Variants in CDCA2 observed in about 807,000 individuals in gnomAD.
CDCA2 encodes the protein cell division cycle-associated protein 2.
Under a neutral mutation model 67.0 loss-of-function variants are expected in CDCA2, and 44 were observed. That is an observed-to-expected ratio of 0.66 (90% CI 0.52 to 0.84). The LOEUF is 0.84. Among genes scored for constraint, CDCA2 ranks in the 40% least tolerant of loss-of-function variants. CDCA2 has a pLI of 0.00. For synonymous variants in CDCA2, 447 were observed against 418.7 expected (o/e 1.07, Z -0.82); for missense variants, 1,253 against 1,203.2 (o/e 1.04, Z -0.61).
At chr8:25,460,591 A>G in intron 3 of CDCA2, 37 bp downstream of exon 3, 1 of 1,576,610 alleles carries the variant, frequency 6.3e-7, no homozygotes, top group Non-Finnish European at 8.6e-7. Flanking sequence ...ATGCTTTTCA[A>G]GTTTAAAAAT....
intron 11 of CDCA2, among the ~76,000 whole-genome samples, chr8:25,486,617 A>G (rs750456939): frequency 6.6e-6 from 1 of 150,924 alleles, no homozygotes; most frequent in Non-Finnish European, 1.5e-5. Context: ...AGCCTGGTCA[A>G]CTTGGTGAAA....
intron 4 of CDCA2, among the ~76,000 whole-genome samples, chr8:25,465,532 C>T (rs1805857965): frequency 6.6e-6 from 1 of 152,062 alleles, no homozygotes; most frequent in Non-Finnish European, 1.5e-5. Context: ...TGGTTGGAAC[C>T]CTGTTAACGG....
In CDCA2 at chr8:25,507,579, T is replaced by C. The variant is rs1804735381; in HGVS notation, c.2913T>C (p.Pro971=). Residue 971 remains proline (P), a synonymous_variant, in exon 15 of 15, where the codon CCT becomes CCC. Transcript: ENST00000330560. ...CTGCTGCTGGTTCTTCCGATGAACC[T>C]GGTAAGAGGAGGAAGAGCTTTTGTA... ...QGPAAGSSDE[P]GKRRKSFCIS... 1 of 1,614,202 alleles carries C rather than the reference T, an allele frequency of 6.2e-7. No individual in the cohort carries two copies. The highest frequency in any genetic ancestry group is 8.5e-7 in the Non-Finnish European group (1 of 1,180,030).
intron 7 of CDCA2, among the ~76,000 whole-genome samples, chr8:25,479,064 C>T (rs1803466135): frequency 6.6e-6 from 1 of 152,112 alleles, no homozygotes; most frequent in Admixed American, 6.5e-5. Flanking sequence ...ATTGACATTG[C>T]TACAATCCAC....
At chr8:25,484,447 T>G (rs1803688311) in intron 10 of CDCA2, among the ~76,000 whole-genome samples, 1 of 152,136 alleles carries the variant, frequency 6.6e-6, no homozygotes, top group Non-Finnish European at 1.5e-5. Flanking sequence ...ACAACTTAGG[T>G]AAACTGGATA....
chr8:25,495,704 G>A (rs1263916946), intron 13 of CDCA2, among the ~76,000 whole-genome samples: 1 of 152,150 alleles, frequency 6.6e-6, no homozygotes, highest in Non-Finnish European at 1.5e-5. Flanking sequence ...ACAGGCGTGA[G>A]CCACTGCGCC....
At chr8:25,462,567 A>G (rs1373800874) in intron 4 of CDCA2, among the ~76,000 whole-genome samples, 2 of 151,968 alleles carry the variant, frequency 1.3e-5, no homozygotes, top group South Asian at 2.1e-4. Flanking sequence ...CAGAGGTTGC[A>G]TTGAGTCAAG....
At chr8:25,491,914 C>G (rs1804020153) in intron 13 of CDCA2, among the ~76,000 whole-genome samples, 1 of 152,174 alleles carries the variant, frequency 6.6e-6, no homozygotes, top group Non-Finnish European at 1.5e-5. Context: ...TCTCCTGCCT[C>G]AGCCTCCCAG....
chr8:25,505,814 T>G (rs1055507452), intron 14 of CDCA2, among the ~76,000 whole-genome samples: 1 of 152,204 alleles, frequency 6.6e-6, no homozygotes, highest in African/African-American at 2.4e-5. Flanking sequence ...CCTGAACTCA[T>G]GTGGGCTGTG....
At chr8:25,472,313 G>A (rs1247757172) in intron 7 of CDCA2, 7 of 151,066 alleles carry the variant, frequency 4.6e-5, no homozygotes, top group Non-Finnish European at 7.4e-5. Flanking sequence ...GTGCCATGGC[G>A]CGATCTCAAC....
Position 25,460,257 on chromosome 8 carries a change from A to G in CDCA2, c.18A>G (p.Lys6=), listed in dbSNP as rs753780195. MDANS[K]DKPPETKESA... The stretch of plus-strand genomic sequence containing the variant: ...CCTCTTAGATGGATGCCAATTCAAA[A>G]GACAAGCCCCCTGAAACCAAGGAGT... The change falls in exon 2 of 15, where the codon AAA becomes AAG. Residue 6 remains lysine, a synonymous_variant. Coordinates refer to ENST00000330560, the MANE Select transcript of CDCA2 (RefSeq NM_152562.4). 1 of 1,614,218 alleles carries G rather than the reference A, an allele frequency of 6.2e-7. No individual in the cohort carries two copies. Among genetic ancestry groups the G allele is most frequent in the Non-Finnish European group, 8.5e-7 (1 of 1,180,024 alleles).
chr8:25,478,309 C>T (rs189551825), intron 7 of CDCA2, among the ~76,000 whole-genome samples: 118 of 152,208 alleles, frequency 7.8e-4, no homozygotes, highest in African/African-American at 2.7e-3. Flanking sequence ...AAATGTCCAC[C>T]CACTTCTCAC....
chr8:25,503,196 C>T (rs1442999249), intron 13 of CDCA2, among the ~76,000 whole-genome samples, 177 bp from the exon 14 acceptor site: 1 of 152,082 alleles, frequency 6.6e-6, no homozygotes, highest in Non-Finnish European at 1.5e-5. Context: ...AGATGGGAGG[C>T]TTGCTTGAGC....
At chr8:25,492,324 G>A (rs1211648951) in intron 13 of CDCA2, among the ~76,000 whole-genome samples, 3 of 152,124 alleles carry the variant, frequency 2.0e-5, no homozygotes, top group Non-Finnish European at 4.4e-5. Flanking sequence ...TAAGAATTCA[G>A]GACACAACGG....
intron 7 of CDCA2, among the ~76,000 whole-genome samples, chr8:25,478,825 T>G (rs1253094009): frequency 6.6e-6 from 1 of 151,594 alleles, no homozygotes; most frequent in South Asian, 2.1e-4. Context: ...CTTATCATAC[T>G]GTATTCCTCT....
intron 13 of CDCA2, among the ~76,000 whole-genome samples, chr8:25,498,825 G>A (rs555700378): frequency 9.2e-5 from 14 of 152,168 alleles, no homozygotes; most frequent in African/African-American, 1.7e-4. Flanking sequence ...TGTGTAACTC[G>A]GGGACTGGCT....
chr8:25,481,666 G>C (rs1803577291), intron 8 of CDCA2, among the ~76,000 whole-genome samples: 1 of 151,894 alleles, frequency 6.6e-6, no homozygotes, highest in South Asian at 2.1e-4. Flanking sequence ...CTCCAGCCTG[G>C]GCAACAGAGC....
At chr8:25,461,777 A>T (rs577929254) in intron 3 of CDCA2, among the ~76,000 whole-genome samples, 1 of 152,356 alleles carries the variant, frequency 6.6e-6, no homozygotes, top group South Asian at 2.1e-4. Flanking sequence ...AGAAACAAAA[A>T]TGAAAACTTA....
chr8:25,475,941 G>A (rs1803330895), intron 7 of CDCA2, among the ~76,000 whole-genome samples: 1 of 152,220 alleles, frequency 6.6e-6, no homozygotes, highest in African/African-American at 2.4e-5. Flanking sequence ...TCCCAGAATG[G>A]TGGGGAAGCC....
Sources: allele counts gnomAD v4.1 joint callset (sites outside exome capture counted in the v4.1 genomes callset), GRCh38; gene constraint gnomAD v4.1.1; transcripts MANE v1.5; gene names NCBI Gene and HGNC (gene_info 2026-07-23, HGNC 2026-07-21).